Variants in ZBTB40 observed in about 807,000 individuals in gnomAD.
The protein encoded by ZBTB40 is zinc finger and BTB domain containing 40, also known as zinc finger and BTB domain-containing protein 40.
ZBTB40 carries 60 observed loss-of-function variants against 117.5 expected under a neutral mutation model. The ratio of observed to expected loss-of-function variants is 0.51; its 90% CI spans 0.41 to 0.63. The LOEUF (loss-of-function observed/expected upper bound fraction) is 0.63, where lower values mean the gene tolerates loss of function less well. ZBTB40 is among the 30% of genes least tolerant of loss of function. The pLI is 0.00. For missense variants in ZBTB40, 1,287 were observed against 1,498.5 expected (o/e 0.86, Z 2.33); for synonymous variants, 525 against 577.1 (o/e 0.91, Z 1.29).
intron 1 of ZBTB40, among the ~76,000 whole-genome samples, chr1:22,474,970 C>T (rs1160946315): frequency 6.9e-6 from 1 of 145,532 alleles, no homozygotes; most frequent in Non-Finnish European, 1.5e-5. Context: ...GGTAAGCTTG[C>T]ATTAAGCTGG....
At position 22,502,343 on chromosome 1, in the gene ZBTB40, C is replaced by T; in HGVS notation, c.1069C>T (p.His357Tyr). 1 of 1,613,968 alleles carries T rather than the reference C, an allele frequency of 6.2e-7. No homozygotes were observed. Among genetic ancestry groups the T allele is most frequent in the Non-Finnish European group, 8.5e-7 (1 of 1,179,928 alleles). ...GKTLSVLLLEHKEDLIQCVTQ... is the reference protein window; with the variant it reads ...GKTLSVLLLEYKEDLIQCVTQ... ...GACCTTGTCTGTTCTGTTACTAGAA[C>T]ACAAAGAGGACCTGATACAGTGTGT... The change falls in exon 5 of 18, where the codon CAC (histidine) becomes TAC (tyrosine). Residue 357 changes from histidine (H) to tyrosine (Y), a missense_variant. His to Tyr is a moderately conservative substitution (Grantham distance 83). This residue lies in a region of ZBTB40 where 870 missense variants were observed against 934.4 expected (regional missense o/e 0.93). Transcript: ENST00000375647.
At chr1:22,434,029 G>T (rs551388343) in intron 1 of ZBTB40, among the ~76,000 whole-genome samples, 203 of 152,078 alleles carry the variant, frequency 1.3e-3, no homozygotes, top group African/African-American at 4.7e-3. Context: ...TTAAAATGTT[G>T]GTATTATTAA....
chr1:22,505,968 C>T, intron 5 of ZBTB40, 81 bp from the exon 6 acceptor site: 1 of 1,472,706 alleles, frequency 6.8e-7, no homozygotes. Context: ...GTGATGCTAT[C>T]TTGCTAGGTT....
Position 22,490,140 on chromosome 1 carries a change from T to A in ZBTB40, c.192T>A (p.Ser64=). 1 of 1,614,174 alleles carries A rather than the reference T, an allele frequency of 6.2e-7. No individual in the cohort carries two copies. The highest frequency in any genetic ancestry group is 8.5e-7 in the Non-Finnish European group (1 of 1,180,022). The change falls in exon 2 of 18, where the codon TCT becomes TCA. Residue 64 remains serine, a synonymous_variant. Transcript: ENST00000375647. ...CAGATACCATCTCCATCGATGCATC[T>A]GTGGTGAGCCCCGAGGAGTTTGCGC... The part of the protein sequence containing the change: ...DNTDTISIDA[S]VVSPEEFALL...
intron 1 of ZBTB40, among the ~76,000 whole-genome samples, chr1:22,485,911 C>A (rs1324179523): frequency 1.3e-5 from 2 of 151,374 alleles, no homozygotes; most frequent in Non-Finnish European, 2.9e-5. Flanking sequence ...TTAGAATTTC[C>A]ATTTCTCTGC....
chr1:22,453,327 C>T (rs987890287), intron 1 of ZBTB40, among the ~76,000 whole-genome samples: 3 of 152,172 alleles, frequency 2.0e-5, no homozygotes, highest in African/African-American at 7.2e-5. Context: ...TCAGAACACC[C>T]CATGCATGTA....
chr1:22,433,093 G>A (rs1640618665), intron 1 of ZBTB40, among the ~76,000 whole-genome samples: 2 of 152,002 alleles, frequency 1.3e-5, no homozygotes, highest in African/African-American at 4.8e-5. Context: ...ACACCAGATC[G>A]AAAATGTTTG....
intron 1 of ZBTB40, among the ~76,000 whole-genome samples, chr1:22,470,314 A>C (rs528995790): frequency 6.6e-6 from 1 of 152,314 alleles, no homozygotes; most frequent in East Asian, 1.9e-4. Flanking sequence ...TTTGGTATCG[A>C]TAAGTTTTTT....
chr1:22,441,957 TA>T (rs1216757024), intron 1 of ZBTB40, among the ~76,000 whole-genome samples: 2 of 152,214 alleles, frequency 1.3e-5, no homozygotes, highest in Non-Finnish European at 2.9e-5. Context: ...CAAGTTTGGG[TA>T]TATTGTGTTT....
chr1:22,505,260 A>C (rs559845226), intron 5 of ZBTB40, among the ~76,000 whole-genome samples: 1 of 152,216 alleles, frequency 6.6e-6, no homozygotes, highest in Non-Finnish European at 1.5e-5. Context: ...GAGCTAAGCT[A>C]TGCATATTAT....
chr1:22,500,105 T>C (rs552663016), intron 3 of ZBTB40, among the ~76,000 whole-genome samples: 1 of 152,344 alleles, frequency 6.6e-6, no homozygotes, highest in Non-Finnish European at 1.5e-5. Flanking sequence ...TCAGTTTTGG[T>C]TACCAGATTT....
chr1:22,509,356 T>C lies in ZBTB40; in HGVS notation c.1833+123T>C, dbSNP rs1239096692. 1.4e-5 allele frequency: 20 copies of C among 1,423,808 alleles called. 1 individual carries two copies. The East Asian group carries it at 4.5e-4, about 32-fold the overall frequency. 88.2% of individuals were successfully genotyped at this position (1,423,808 alleles called of 1,614,324 possible). The stretch of plus-strand genomic sequence containing the variant: ...GTTTTTCCTTCTTTTTTTTTCCTTT[T>C]TCTCTTTTGAGACAGAGTCTTGCTC... On this transcript the variant is annotated intron_variant, in intron 9 of 17. Transcript: ENST00000375647.
chr1:22,505,921 G>A (rs915208584), intron 5 of ZBTB40, 128 bp from the exon 6 acceptor site: 18 of 897,630 alleles, frequency 2.0e-5, no homozygotes, highest in African/African-American at 8.2e-5. Flanking sequence ...AGTAATGCTA[G>A]AGACCAACAG....
chr1:22,452,829 A>G (rs1025445457), intron 1 of ZBTB40: 2 of 152,328 alleles, frequency 1.3e-5, no homozygotes, highest in African/African-American at 4.8e-5. Context: ...CTTACTGACT[A>G]TTCAGAGTTT....
chr1:22,512,830 C>A, intron 11 of ZBTB40, 94 bp from the exon 12 acceptor site: 1 of 1,442,204 alleles, frequency 6.9e-7, no homozygotes. Context: ...CTCTGGAGGC[C>A]TGGGCTGAGA....
chr1:22,439,927 C>G (rs1236291959), intron 1 of ZBTB40, among the ~76,000 whole-genome samples: 2 of 152,152 alleles, frequency 1.3e-5, no homozygotes, highest in Non-Finnish European at 2.9e-5. Flanking sequence ...ATATTAACAT[C>G]TTAGCAATAC....
intron 1 of ZBTB40, among the ~76,000 whole-genome samples, chr1:22,452,415 C>T (rs974026285): frequency 9.9e-5 from 15 of 152,254 alleles, no homozygotes; most frequent in Non-Finnish European, 1.8e-4. Flanking sequence ...CTCTCTTCCC[C>T]TCTCGGTCTT....
intron 3 of ZBTB40, among the ~76,000 whole-genome samples, chr1:22,494,496 T>C (rs192772160): frequency 1.8e-4 from 28 of 152,302 alleles, no homozygotes; most frequent in Non-Finnish European, 4.0e-4. Flanking sequence ...TAGGCTGTGT[T>C]AGAACTTGAG....
intron 3 of ZBTB40, among the ~76,000 whole-genome samples, chr1:22,491,773 C>A (rs921291624): frequency 6.6e-6 from 1 of 151,624 alleles, no homozygotes; most frequent in Admixed American, 6.6e-5. Context: ...CAGTTTTGAT[C>A]CAGAATACTT....
Sources: allele counts gnomAD v4.1 joint callset (sites outside exome capture counted in the v4.1 genomes callset), GRCh38; gene constraint gnomAD v4.1.1; regional missense constraint gnomAD v4.1.1; transcripts MANE v1.5; gene names NCBI Gene and HGNC (gene_info 2026-07-23, HGNC 2026-07-21).